KDM3B: variants seen among roughly 807,000 people sequenced by gnomAD.
KDM3B encodes lysine demethylase 3B.
Under a neutral mutation model 170.0 loss-of-function variants are expected in KDM3B, and 10 were observed. The ratio of observed to expected loss-of-function variants is 0.06; its 90% CI spans 0.04 to 0.10. KDM3B has a LOEUF of 0.10. Among genes scored for constraint, KDM3B ranks in the 10% least tolerant of loss-of-function variants. KDM3B has a pLI of 1.00. For missense variants in KDM3B, 1,394 were observed against 2,195.2 expected, an observed-to-expected ratio of 0.64 and a Z score of 7.29; for synonymous variants, 831 against 834.8, an observed-to-expected ratio of 1.00 and a Z score of 0.08.
At chr5:138,404,313 G>A (rs1762762430) in intron 11 of KDM3B, among the ~76,000 whole-genome samples, 2 of 152,176 alleles carry the variant, frequency 1.3e-5, no homozygotes, top group African/African-American at 4.8e-5. Context: ...AGCACATTTT[G>A]TGTAGAGTAA....
chr5:138,415,348 T>C, intron 12 of KDM3B, 109 bp downstream of exon 12: 2 of 548,022 alleles, frequency 3.6e-6, no homozygotes, highest in Non-Finnish European at 6.5e-6. Flanking sequence ...CTTTTAAGCA[T>C]CATCAGATTT....
chr5:138,411,530 C>A (rs532875735), intron 11 of KDM3B, among the ~76,000 whole-genome samples: 1 of 152,052 alleles, frequency 6.6e-6, no homozygotes, highest in Non-Finnish European at 1.5e-5. Context: ...GTCTTTACCT[C>A]CCACCATATA....
intron 6 of KDM3B, among the ~76,000 whole-genome samples, chr5:138,383,017 G>A (rs1762164258): frequency 6.6e-6 from 1 of 152,104 alleles, no homozygotes; most frequent in Non-Finnish European, 1.5e-5. Context: ...GCTTACTCAC[G>A]TATGAGTAGC....
intron 1 of KDM3B, among the ~76,000 whole-genome samples, chr5:138,357,118 C>T (rs1761470137): frequency 6.6e-6 from 1 of 151,846 alleles, no homozygotes; most frequent in Non-Finnish European, 1.5e-5. Context: ...GCAATCCTCC[C>T]AGGGACTACA....
chr5:138,416,618 A>G (rs916649323), intron 12 of KDM3B, among the ~76,000 whole-genome samples: 16 of 151,622 alleles, frequency 1.1e-4, no homozygotes, highest in African/African-American at 3.9e-4. Flanking sequence ...AAACATAACA[A>G]AAAACCAAAG....
At chr5:138,432,902 G>A (rs1348027253) in intron 23 of KDM3B, among the ~76,000 whole-genome samples, 7 of 151,162 alleles carry the variant, frequency 4.6e-5, no homozygotes, top group Non-Finnish European at 8.8e-5. Flanking sequence ...CCACCACCAC[G>A]TCCAGCTATT....
chr5:138,356,235 T>G (rs1174442841), intron 1 of KDM3B, among the ~76,000 whole-genome samples: 1 of 152,230 alleles, frequency 6.6e-6, no homozygotes, highest in African/African-American at 2.4e-5. Flanking sequence ...TTCTGTAGTT[T>G]AGCAATCCAG....
intron 2 of KDM3B, 70 bp downstream of exon 2, chr5:138,372,911 G>T: frequency 1.4e-6 from 2 of 1,379,610 alleles, no homozygotes; most frequent in Non-Finnish European, 9.9e-7. Flanking sequence ...ACATGTTAGG[G>T]ACAGAGTATG....
chr5:138,420,120 T>A (rs527855634), intron 14 of KDM3B, among the ~76,000 whole-genome samples: 20 of 152,316 alleles, frequency 1.3e-4, no homozygotes, highest in Admixed American at 5.9e-4. Context: ...ACTCCCGACC[T>A]CAAGTGATAC....
rs938623248 is a variant in KDM3B, at chr5:138,386,319, A to G, written c.1078A>G (p.Thr360Ala). ...INRNIRFATY[T>A]KENGRTLVVQ... Reference sequence around the variant, plus strand: ...CCGCAACATTCGCTTTGCCACTTACACCAAAGAAAACGGCAGGACTCTGGT... The same window carrying G: ...CCGCAACATTCGCTTTGCCACTTACGCCAAAGAAAACGGCAGGACTCTGGT... The change falls in exon 7 of 24, where the codon ACC becomes GCC. Residue 360 changes from threonine (T) to alanine (A), a missense_variant. By Grantham distance (58) the Thr-to-Ala change is moderately conservative (BLOSUM62 0). This residue lies in a region of KDM3B where 205 missense variants were observed against 227.6 expected (regional missense o/e 0.90). Coordinates refer to ENST00000314358, the MANE Select transcript of KDM3B (RefSeq NM_016604.4). The G allele has an allele frequency of 1.2e-6, 2 of 1,614,188 alleles. No homozygotes were observed. Among genetic ancestry groups the G allele is most frequent in the South Asian group, 1.1e-5 (1 of 91,084 alleles).
intron 11 of KDM3B, among the ~76,000 whole-genome samples, chr5:138,411,108 C>A (rs527482729): frequency 6.6e-6 from 1 of 152,136 alleles, no homozygotes; most frequent in East Asian, 1.9e-4. Flanking sequence ...TGCTAAGTAG[C>A]GGGTGTTGTT....
chr5:138,352,820 G>A lies in KDM3B; in HGVS notation c.25G>A (p.Val9Met), dbSNP rs1437771298. 1 of 1,331,320 alleles carries A rather than the reference G, an allele frequency of 7.5e-7. No homozygotes were observed. The allele number at this position is 1,331,320 out of a possible 1,614,324, so 82.5% of individuals were successfully genotyped here. MADAAASPVGKRLLLLFAD... is the reference protein window; with the variant it reads MADAAASPMGKRLLLLFAD... ...GATGGCGGACGCGGCGGCCTCCCCG[G>A]TGGGCAAGCGGCTGCTGCTGCTGTT... The change falls in exon 1 of 24, where the codon GTG becomes ATG. Residue 9 changes from valine to methionine, a missense_variant. Physicochemically the swap from Val to Met is conservative, Grantham distance 21 (BLOSUM62 1). Transcript: ENST00000314358.
intron 17 of KDM3B, 103 bp from the exon 18 acceptor site, chr5:138,426,872 A>G (rs573415711): frequency 3.8e-6 from 3 of 791,162 alleles, no homozygotes; most frequent in Non-Finnish European, 6.0e-6. Flanking sequence ...CAAAAAAAAA[A>G]AAAAAAAAGA....
intron 11 of KDM3B, among the ~76,000 whole-genome samples, chr5:138,402,071 G>A (rs1233581937): frequency 6.6e-6 from 1 of 152,026 alleles, no homozygotes; most frequent in African/African-American, 2.4e-5. Flanking sequence ...TGGGACTGCA[G>A]GCATGTGCTA....
intron 9 of KDM3B, among the ~76,000 whole-genome samples, 190 bp downstream of exon 9, chr5:138,393,562 G>A (rs1452798661): frequency 6.6e-6 from 1 of 152,194 alleles, no homozygotes; most frequent in Admixed American, 6.5e-5. Flanking sequence ...AATGACATGT[G>A]ATTTTGTCCT....
intron 1 of KDM3B, among the ~76,000 whole-genome samples, chr5:138,365,414 C>A (rs989873339): frequency 6.6e-6 from 1 of 152,012 alleles, no homozygotes; most frequent in Non-Finnish European, 1.5e-5. Flanking sequence ...CCTGCCACCA[C>A]GCCTGGCTAA....
chr5:138,406,354 A>C (rs1762820854), intron 11 of KDM3B, among the ~76,000 whole-genome samples: 2 of 152,140 alleles, frequency 1.3e-5, no homozygotes, highest in South Asian at 4.1e-4. Flanking sequence ...CAAAAAAAGA[A>C]AAGTTAAGGT....
chr5:138,393,477 T>C, intron 9 of KDM3B, 105 bp downstream of exon 9: 1 of 912,406 alleles, frequency 1.1e-6, no homozygotes, highest in Non-Finnish European at 1.7e-6. Flanking sequence ...TGGTCTTTGC[T>C]TTCCTCAACT....
intron 11 of KDM3B, among the ~76,000 whole-genome samples, chr5:138,401,452 C>A (rs1415629529): frequency 6.6e-6 from 1 of 152,112 alleles, no homozygotes; most frequent in Non-Finnish European, 1.5e-5. Flanking sequence ...ACATGTGAAC[C>A]ATTCATTCCT....
Sources: gnomAD v4.1 joint callset for allele counts (sites outside exome capture counted in the v4.1 genomes callset) on GRCh38, gnomAD v4.1.1 for gene constraint, gnomAD v4.1.1 regional missense constraint, MANE v1.5 for transcripts, NCBI Gene and HGNC (gene_info 2026-07-23, HGNC 2026-07-21) for gene names.